RALGAPA2: variants seen among roughly 807,000 people sequenced by gnomAD.
RALGAPA2 encodes Ral GTPase activating protein catalytic subunit alpha 2.
A neutral mutation model predicts 230.4 loss-of-function variants in RALGAPA2; 139 were observed. The observed-to-expected ratio is 0.60, with a 90% CI of 0.53 to 0.69. The LOEUF (loss-of-function observed/expected upper bound fraction) is 0.69. RALGAPA2 is among the 30% of genes least tolerant of loss of function. RALGAPA2 has a pLI of 0.00. For synonymous variants in RALGAPA2, 847 were observed against 837.8 expected (o/e 1.01, Z -0.19); for missense variants, 2,163 against 2,276.0 (o/e 0.95, Z 1.01).
chr20:20,609,298 C>A (rs1042722545), intron 14 of RALGAPA2, among the ~76,000 whole-genome samples: 4 of 152,162 alleles, frequency 2.6e-5, no homozygotes, highest in African/African-American at 9.7e-5. Flanking sequence ...CATGCCCAGC[C>A]TTTTGGTTAG....
intron 38 of RALGAPA2, among the ~76,000 whole-genome samples, chr20:20,410,489 GA>G (rs1342260379): frequency 1.3e-5 from 2 of 152,148 alleles, no homozygotes; most frequent in Non-Finnish European, 2.9e-5. Context: ...ACGAAGAGGG[GA>G]ATAATCTCAT....
At chr20:20,468,953 G>T (rs1389397037) in intron 37 of RALGAPA2, among the ~76,000 whole-genome samples, 1 of 150,624 alleles carries the variant, frequency 6.6e-6, no homozygotes, top group Non-Finnish European at 1.5e-5. Context: ...GTGTGTGTGT[G>T]TGTGTGTGTT....
chr20:20,543,399 T>G (rs1211858450), intron 24 of RALGAPA2, among the ~76,000 whole-genome samples: 1 of 152,204 alleles, frequency 6.6e-6, no homozygotes, highest in African/African-American at 2.4e-5. Flanking sequence ...CAAAGGATTA[T>G]AAATCATGCT....
chr20:20,702,623 A>C (rs1369826321), intron 1 of RALGAPA2, among the ~76,000 whole-genome samples: 1 of 152,200 alleles, frequency 6.6e-6, no homozygotes, highest in African/African-American at 2.4e-5. Context: ...GCTTTGGCTC[A>C]AAATTGGTAG....
At chr20:20,519,824 A>G (rs939977683) in intron 31 of RALGAPA2, among the ~76,000 whole-genome samples, 2 of 152,056 alleles carry the variant, frequency 1.3e-5, no homozygotes, top group African/African-American at 4.8e-5. Context: ...TAACTTGTGA[A>G]GTCCATACAA....
chr20:20,597,977 G>A (rs995466163), intron 16 of RALGAPA2, among the ~76,000 whole-genome samples: 1 of 152,114 alleles, frequency 6.6e-6, no homozygotes, highest in South Asian at 2.1e-4. Flanking sequence ...AAAATAAATA[G>A]ACATAGGCCT....
At chr20:20,698,140 G>T (rs2069191147) in intron 1 of RALGAPA2, among the ~76,000 whole-genome samples, 1 of 152,152 alleles carries the variant, frequency 6.6e-6, no homozygotes, top group Non-Finnish European at 1.5e-5. Context: ...GCTGGGGAGA[G>T]GAGGGAATAA....
In RALGAPA2 at chr20:20,583,051, T is replaced by A. The variant is rs1568608338; in HGVS notation, c.2706A>T (p.Thr902=). Reference sequence around the variant, plus strand: ...CCTCTTTTTCAAAATGCAATTTACCTGTTAAATTTGAAGCATCGGTGGGAC... The same window carrying A: ...CCTCTTTTTCAAAATGCAATTTACCAGTTAAATTTGAAGCATCGGTGGGAC... ...QLSPTDASNL[T]DSSECLTDDC... Residue 902 remains threonine (T), a splice_region_variant and synonymous_variant, in exon 20 of 40, where the codon ACA becomes ACT. Coordinates refer to ENST00000202677, the MANE Select transcript of RALGAPA2 (RefSeq NM_020343.4). 6.2e-7 allele frequency: 1 copy of A among 1,612,968 alleles called. No individual in the cohort carries two copies. The highest frequency in any genetic ancestry group is 1.1e-5 in the South Asian group (1 of 90,948).
chr20:20,668,389 C>T (rs148290373), intron 3 of RALGAPA2, among the ~76,000 whole-genome samples: 1 of 151,826 alleles, frequency 6.6e-6, no homozygotes. Context: ...AGCAACAGAG[C>T]GAGACTGTGT....
rs140981008 is a variant in RALGAPA2, at chr20:20,517,020, G to A, written c.4085-3736C>T. ...GCAGCCTGCATGCTTGTGAAGGGTC[G>A]TGGAGAAGGGGTCCTTGTTCTCCAC... On this transcript the variant is annotated intron_variant, in intron 31 of 39. Coordinates refer to ENST00000202677, the MANE Select transcript of RALGAPA2 (RefSeq NM_020343.4). 4.0e-3 allele frequency among the ~76,000 whole-genome samples: 608 copies of A among 152,280 alleles called. 4 individuals are homozygous for A. Among genetic ancestry groups the A allele is most frequent in the African/African-American group, 0.014 (583 of 41,558 alleles).
chr20:20,530,840 A>G (rs1052151554), intron 27 of RALGAPA2, among the ~76,000 whole-genome samples: 1 of 152,114 alleles, frequency 6.6e-6, no homozygotes, highest in Non-Finnish European at 1.5e-5. Context: ...TTACCCCTGA[A>G]CTAAGAACTT....
Position 20,620,546 on chromosome 20 carries a change from C to T in RALGAPA2, c.1318G>A (p.Val440Met), listed in dbSNP as rs781520830. 1.2e-6 allele frequency: 2 copies of T among 1,613,778 alleles called. No individual in the cohort carries two copies. The highest frequency in any genetic ancestry group is 2.7e-5 in the African/African-American group (2 of 74,916). Residue 440 changes from valine (V) to methionine (M), a missense_variant, in exon 11 of 40, where the codon GTG (valine) becomes ATG (methionine). Coordinates refer to ENST00000202677, the MANE Select transcript of RALGAPA2 (RefSeq NM_020343.4). ...TTTCTATCTGGCTCCTCCATGAACA[C>T]AGGTTTGTCCTGGAGAATCCACTTT... is the stretch of plus-strand genomic sequence containing the variant. Reference protein sequence around the residue: ...YRKWILQDKPVFMEEPDRKDV... With the variant: ...YRKWILQDKPMFMEEPDRKDV...
At chr20:20,682,952 A>C (rs1256438164) in intron 1 of RALGAPA2, among the ~76,000 whole-genome samples, 1 of 152,178 alleles carries the variant, frequency 6.6e-6, no homozygotes, top group Non-Finnish European at 1.5e-5. Flanking sequence ...CTAGTCTCAC[A>C]GACTGCTGCC....
chr20:20,447,525 A>C (rs2060890827), intron 37 of RALGAPA2, among the ~76,000 whole-genome samples: 1 of 152,176 alleles, frequency 6.6e-6, no homozygotes, highest in Non-Finnish European at 1.5e-5. Context: ...CTAAACCCTC[A>C]TCACAGCACC....
intron 37 of RALGAPA2, among the ~76,000 whole-genome samples, chr20:20,452,532 A>G (rs2061010863): frequency 6.6e-6 from 1 of 152,214 alleles, no homozygotes; most frequent in Non-Finnish European, 1.5e-5. Context: ...GGCGGCGAGG[A>G]CAGGAACCCA....
At chr20:20,699,132 CG>C (rs1357378024) in intron 1 of RALGAPA2, among the ~76,000 whole-genome samples, 1 of 152,048 alleles carries the variant, frequency 6.6e-6, no homozygotes, top group African/African-American at 2.4e-5. Context: ...GTTAATTACA[CG>C]TTTTTTATGT....
intron 1 of RALGAPA2, among the ~76,000 whole-genome samples, chr20:20,685,320 G>A (rs2068661533): frequency 6.6e-6 from 1 of 152,190 alleles, no homozygotes; most frequent in African/African-American, 2.4e-5. Flanking sequence ...AGGCACCATG[G>A]CTGAAGCCCA....
chr20:20,570,009 C>T (rs1016538186), intron 23 of RALGAPA2, among the ~76,000 whole-genome samples: 1 of 152,134 alleles, frequency 6.6e-6, no homozygotes, highest in Non-Finnish European at 1.5e-5. Context: ...CATAATCCTC[C>T]ACATACCCTG....
At chr20:20,619,534 T>G in intron 11 of RALGAPA2, 120 bp from the exon 12 acceptor site, 1 of 808,086 alleles carries the variant, frequency 1.2e-6, no homozygotes, top group Non-Finnish European at 1.6e-6. Context: ...CATATTTAAT[T>G]CCTTAAACTC....
Sources: gnomAD v4.1 joint callset for allele counts (sites outside exome capture counted in the v4.1 genomes callset) on GRCh38, gnomAD v4.1.1 for gene constraint, MANE v1.5 for transcripts, NCBI Gene and HGNC (gene_info 2026-07-23, HGNC 2026-07-21) for gene names.